FYN: variants seen among roughly 807,000 people sequenced by gnomAD.
The protein encoded by FYN is tyrosine-protein kinase Fyn.
In FYN, 10 loss-of-function variants were observed where a neutral mutation model predicts 70.2. The ratio of observed to expected loss-of-function variants is 0.14; its 90% CI spans 0.09 to 0.24. FYN has a LOEUF of 0.24. Among genes scored for constraint, FYN ranks in the 10% least tolerant of loss-of-function variants. The pLI, the probability that FYN is intolerant of heterozygous loss-of-function variation, is 1.00. For missense variants in FYN, 319 were observed against 673.1 expected (o/e 0.47, Z 5.82); for synonymous variants, 236 against 248.6 (o/e 0.95, Z 0.48).
intron 2 of FYN, among the ~76,000 whole-genome samples, chr6:111,789,875 A>AGTC (rs1771546913): frequency 6.6e-6 from 1 of 152,180 alleles, no homozygotes; most frequent in Non-Finnish European, 1.5e-5. Flanking sequence ...ACTACTCCCA[A>AGTC]GTCCCTCCAA....
At chr6:111,788,467 AG>A (rs1458582366) in intron 2 of FYN, among the ~76,000 whole-genome samples, 3 of 152,212 alleles carry the variant, frequency 2.0e-5, no homozygotes, top group East Asian at 1.9e-4. Context: ...CCACTTGCTA[AG>A]GAACTGCTGT....
At chr6:111,663,714 G>T (rs1211240282) in intron 13 of FYN, among the ~76,000 whole-genome samples, 1 of 152,150 alleles carries the variant, frequency 6.6e-6, no homozygotes, top group Non-Finnish European at 1.5e-5. Flanking sequence ...AGGAGTCAGG[G>T]TCCCTGCCTC....
intron 2 of FYN, among the ~76,000 whole-genome samples, chr6:111,809,802 A>C (rs1323309731): frequency 6.6e-6 from 1 of 152,200 alleles, no homozygotes; most frequent in East Asian, 1.9e-4. Context: ...TTCTTTTAAA[A>C]ATTTAGTAGA....
intron 2 of FYN, among the ~76,000 whole-genome samples, chr6:111,801,025 G>C (rs1176683890): frequency 5.3e-5 from 8 of 152,202 alleles, no homozygotes; most frequent in Non-Finnish European, 1.0e-4. Flanking sequence ...TTCACAGACA[G>C]TAGAAGGACC....
At position 111,773,323 on chromosome 6, in the gene FYN, GGAGGGAGAGGGAAAGGGAGAGGGA is replaced by G. The variant is rs1311967434; in HGVS notation, c.-12+7219_-12+7242del. ...AGGGAGGGAGGGAAAGAGGGGAGGG[GGAGGGAGAGGGAAAGGGAGAGGGA>G]GAGGGAAAGGGAGAGGGAGAGGCAG... On this transcript the variant is annotated intron_variant, in intron 3 of 13. Transcript: ENST00000354650. 2.1e-4 allele frequency among the ~76,000 whole-genome samples: 18 copies of G among 85,328 alleles called. 2 individuals are homozygous for G. The South Asian group carries it at 8.7e-3, about 41-fold the overall frequency. 56.0% of individuals were successfully genotyped at this position (85,328 alleles called of 152,430 possible). A position where few individuals can be genotyped will look rare whatever the true frequency, so the allele number is the denominator to read the frequency against.
chr6:111,701,301 G>T (rs889807767), intron 8 of FYN, among the ~76,000 whole-genome samples: 1 of 152,176 alleles, frequency 6.6e-6, no homozygotes, highest in Non-Finnish European at 1.5e-5. Context: ...ATCAGGGAGT[G>T]ACAAAAGCTG....
At chr6:111,677,191 C>T (rs933311495) in intron 12 of FYN, among the ~76,000 whole-genome samples, 8 of 152,170 alleles carry the variant, frequency 5.3e-5, no homozygotes, top group African/African-American at 1.9e-4. Context: ...AGGAATAAAA[C>T]ATAATGTCTT....
At chr6:111,831,897 T>C (rs545730188) in intron 2 of FYN, among the ~76,000 whole-genome samples, 1 of 152,200 alleles carries the variant, frequency 6.6e-6, no homozygotes, top group Non-Finnish European at 1.5e-5. Flanking sequence ...CATCACACCC[T>C]AGAGAGAGGG....
intron 9 of FYN, chr6:111,699,879 C>T: frequency 3.6e-6 from 2 of 558,486 alleles, no homozygotes; most frequent in Non-Finnish European, 2.9e-6. Context: ...AATAGTACAA[C>T]TTGAGCCATT....
intron 2 of FYN, among the ~76,000 whole-genome samples, chr6:111,839,326 T>A (rs1185931295): frequency 6.6e-6 from 1 of 152,098 alleles, no homozygotes; most frequent in Non-Finnish European, 1.5e-5. Context: ...AGCTATACCA[T>A]CCAGCTACTG....
chr6:111,702,708 A>C (rs1799897834), intron 8 of FYN, 177 bp downstream of exon 8: 2 of 476,784 alleles, frequency 4.2e-6, no homozygotes, highest in Non-Finnish European at 7.2e-6. Context: ...TAACAACAGT[A>C]GAACAATAGC....
chr6:111,668,690 G>T (rs1320099954), intron 13 of FYN, among the ~76,000 whole-genome samples: 1 of 152,036 alleles, frequency 6.6e-6, no homozygotes, highest in Non-Finnish European at 1.5e-5. Context: ...AGACATGCTG[G>T]CCAAGAGAAA....
intron 13 of FYN, among the ~76,000 whole-genome samples, chr6:111,666,962 C>T (rs533909465): frequency 3.9e-4 from 59 of 152,268 alleles, no homozygotes; most frequent in African/African-American, 1.3e-3. Flanking sequence ...CAGTCTGCCC[C>T]AAACACTGCA....
intron 2 of FYN, among the ~76,000 whole-genome samples, chr6:111,809,661 T>C (rs567988182): frequency 6.6e-6 from 1 of 152,352 alleles, no homozygotes; most frequent in East Asian, 1.9e-4. Context: ...AATCCCCCTC[T>C]TCACTGGGGA....
intron 2 of FYN, among the ~76,000 whole-genome samples, chr6:111,789,451 A>G (rs1583446446): frequency 6.6e-6 from 1 of 152,158 alleles, no homozygotes; most frequent in Non-Finnish European, 1.5e-5. Context: ...AGTAGTACTG[A>G]TATCATTTCA....
chr6:111,793,719 A>C (rs1317171404), intron 2 of FYN: 2 of 152,392 alleles, frequency 1.3e-5, no homozygotes, highest in Non-Finnish European at 2.9e-5. Context: ...GTCTTGGGGC[A>C]GCTTGACCTC....
intron 5 of FYN, among the ~76,000 whole-genome samples, chr6:111,714,033 G>T (rs1800507464): frequency 6.6e-6 from 1 of 152,182 alleles, no homozygotes; most frequent in Non-Finnish European, 1.5e-5. Context: ...GAAACTGTAG[G>T]TTTGTAGAAA....
chr6:111,792,506 T>C (rs1771658989), intron 2 of FYN, among the ~76,000 whole-genome samples: 1 of 152,192 alleles, frequency 6.6e-6, no homozygotes, highest in African/African-American at 2.4e-5. Flanking sequence ...CCCACTGATA[T>C]GCACAAGAAT....
intron 5 of FYN, among the ~76,000 whole-genome samples, chr6:111,712,422 C>A (rs1225554105): frequency 6.6e-6 from 1 of 152,196 alleles, no homozygotes; most frequent in African/African-American, 2.4e-5. Context: ...CCCCTCCTCC[C>A]CAGCCCCAGT....
Sources: gnomAD v4.1 joint callset for allele counts (sites outside exome capture counted in the v4.1 genomes callset) on GRCh38, gnomAD v4.1.1 for gene constraint, MANE v1.5 for transcripts, NCBI Gene and HGNC (gene_info 2026-07-23, HGNC 2026-07-21) for gene names.